The following LILRB1 variants were observed in gnomAD, a reference collection of about 807,000 sequenced individuals.
LILRB1 encodes the protein leukocyte immunoglobulin-like receptor subfamily B member 1.
A neutral mutation model predicts 74.6 loss-of-function variants in LILRB1; 59 were observed. The observed-to-expected ratio is 0.79, with a 90% CI of 0.64 to 0.98. The LOEUF is 0.98. Among genes scored for constraint, LILRB1 ranks in the 50% least tolerant of loss-of-function variants. LILRB1 has a pLI of 0.00. For missense variants in LILRB1, 804 were observed against 822.6 expected, an observed-to-expected ratio of 0.98 and a Z score of 0.28; for synonymous variants, 328 against 333.9, an observed-to-expected ratio of 0.98 and a Z score of 0.19.
intron 1 of LILRB1, among the ~76,000 whole-genome samples, chr19:54,623,188 A>G (rs2063497195): frequency 6.6e-6 from 1 of 152,208 alleles, no homozygotes; most frequent in Non-Finnish European, 1.5e-5. Flanking sequence ...AGAATGAGCT[A>G]GGAAAGAATC....
In LILRB1 at chr19:54,633,927, G is replaced by A. The variant is rs141884972; in HGVS notation, c.1313-44G>A. On this transcript the variant is annotated intron_variant, in intron 8 of 14. Transcript: ENST00000324602. ...GGGGAGGAGCAGCCGGGCTGATGTGGGGAGCAGGGCAGCCCCAGCCCTCAC... is the reference window on the plus strand; with the variant it reads ...GGGGAGGAGCAGCCGGGCTGATGTGAGGAGCAGGGCAGCCCCAGCCCTCAC... The A allele has an allele frequency of 2.2e-3, 3,433 of 1,562,820 alleles. 70 individuals are homozygous for A. The highest frequency in any genetic ancestry group is 0.021 in the East Asian group (909 of 42,784).
chr19:54,618,640 T>G (rs2063376073), intron 1 of LILRB1, among the ~76,000 whole-genome samples: 1 of 152,214 alleles, frequency 6.6e-6, no homozygotes, highest in Non-Finnish European at 1.5e-5. Flanking sequence ...AACAAAATTA[T>G]AAACCCAGCC....
At chr19:54,635,958 G>A (rs747391159) in intron 13 of LILRB1, 1 of 578,002 alleles carries the variant, frequency 1.7e-6, no homozygotes, top group Non-Finnish European at 3.4e-6. Flanking sequence ...CACTGTGGAT[G>A]GGGCTCCCCA....
intron 9 of LILRB1, chr19:54,634,293 A>G (rs1599859467): frequency 1.3e-6 from 2 of 1,538,070 alleles, no homozygotes; most frequent in East Asian, 4.9e-5. Flanking sequence ...CACCTGCAGC[A>G]GAGACGGTGA....
rs558164581 is a variant in LILRB1 at position 54,631,373 on chromosome 19, G to A, written c.70+67G>A. On this transcript the variant is annotated intron_variant, in intron 3 of 14. Transcript: ENST00000324602. ...GGGGACAAGGGGCCACCCCCGTGCCGCTGGGGATGGGGAATAGCAGTTCTG... is the reference window on the plus strand; with the variant it reads ...GGGGACAAGGGGCCACCCCCGTGCCACTGGGGATGGGGAATAGCAGTTCTG... The A allele has an allele frequency of 4.3e-5, 69 of 1,613,292 alleles. 1 individual carries two copies. Among genetic ancestry groups the A allele is most frequent in the Admixed American group, 1.3e-4 (8 of 60,008 alleles).
chr19:54,624,512 T>C (rs2063529982), intron 1 of LILRB1, among the ~76,000 whole-genome samples: 1 of 152,026 alleles, frequency 6.6e-6, no homozygotes, highest in South Asian at 2.1e-4. Context: ...AGCTGCTTCA[T>C]GTAGGTGGGA....
intron 9 of LILRB1, chr19:54,634,301 T>A: frequency 1.3e-6 from 2 of 1,538,492 alleles, no homozygotes; most frequent in Non-Finnish European, 1.8e-6. Flanking sequence ...GCAGAGACGG[T>A]GACCTGGGGC....
chr19:54,622,432 T>C (rs2063479945), intron 1 of LILRB1, among the ~76,000 whole-genome samples: 1 of 152,184 alleles, frequency 6.6e-6, no homozygotes, highest in Admixed American at 6.5e-5. Flanking sequence ...CTCCTCAGTG[T>C]GTGTTTGTGT....
rs1416439692 is a variant in LILRB1 at position 54,633,041 on chromosome 19, C to G, written c.984C>G (p.Leu328=). 5 of 1,614,036 alleles carry G rather than the reference C, an allele frequency of 3.1e-6. No individual in the cohort carries two copies. Among genetic ancestry groups the G allele is most frequent in the East Asian group, 2.2e-5 (1 of 44,900 alleles). Residue 328 remains leucine, a synonymous_variant, in exon 7 of 15, where the codon CTC becomes CTG. Transcript: ENST00000324602. ...GACAGTTCTATGACAGAGTCTCCCTCTCGGTGCAGCCGGGCCCCACGGTGG... is the reference window on the plus strand; with the variant it reads ...GACAGTTCTATGACAGAGTCTCCCTGTCGGTGCAGCCGGGCCCCACGGTGG... The part of the protein sequence containing the change: ...IAGQFYDRVS[L]SVQPGPTVAS...
intron 13 of LILRB1, chr19:54,635,922 C>A (rs1411630259): frequency 3.5e-5 from 21 of 607,876 alleles, no homozygotes; most frequent in Non-Finnish European, 6.6e-5. Context: ...TTCATTCATT[C>A]AACCAGCAAG....
chr19:54,633,548 G>C (rs1344365804), intron 7 of LILRB1, 90 bp from the exon 8 acceptor site: 26 of 1,306,090 alleles, frequency 2.0e-5, no homozygotes, highest in Non-Finnish European at 2.4e-5. Context: ...GGCCTGGGGA[G>C]GCCACAGGTC....
intron 8 of LILRB1, 110 bp from the exon 9 acceptor site, chr19:54,633,861 G>A (rs1451565112): frequency 3.4e-6 from 5 of 1,480,186 alleles, no homozygotes; most frequent in Non-Finnish European, 4.6e-6. Flanking sequence ...CTGGTGAGGG[G>A]TGGGGGGTCA....
In LILRB1 at chr19:54,632,532, C is replaced by G. The variant is rs1467835208; in HGVS notation, c.730C>G (p.Leu244Val). 1.2e-6 allele frequency: 2 copies of G among 1,613,818 alleles called. No individual in the cohort carries two copies. The highest frequency in any genetic ancestry group is 1.7e-6 in the Non-Finnish European group (2 of 1,179,910). The change falls in exon 6 of 15, where the codon CTG becomes GTG. Residue 244 changes from leucine (L) to valine (V), a missense_variant. Transcript: ENST00000324602. ...PIVAPEETLTLQCGSDAGYNR... is the reference protein window; with the variant it reads ...PIVAPEETLTVQCGSDAGYNR... Reference sequence around the variant, plus strand: ...CGTGGCCCCTGAGGAGACCCTGACTCTGCAGTGTGGCTCTGATGCTGGCTA... The same window carrying G: ...CGTGGCCCCTGAGGAGACCCTGACTGTGCAGTGTGGCTCTGATGCTGGCTA...
At chr19:54,624,252 G>T (rs907421342) in intron 1 of LILRB1, among the ~76,000 whole-genome samples, 4 of 152,168 alleles carry the variant, frequency 2.6e-5, no homozygotes, top group Non-Finnish European at 5.9e-5. Flanking sequence ...AGGTCTCTGC[G>T]GGGGGTGAAG....
chr19:54,635,800 C>T (rs751175572), intron 13 of LILRB1, 191 bp downstream of exon 13: 14 of 753,732 alleles, frequency 1.9e-5, no homozygotes, highest in Non-Finnish European at 3.4e-5. Flanking sequence ...GGCCTCCTCC[C>T]GGGTCCCCTT....
In LILRB1 at chr19:54,617,553, C is replaced by CTGTGTGTGTGTG. The variant is rs55635122; in HGVS notation, c.-166+229_-166+240dup. Among the ~76,000 whole-genome samples the CTGTGTGTGTGTG allele has an allele frequency of 3.8e-3, 550 of 143,290 alleles. 3 individuals are homozygous for CTGTGTGTGTGTG. The highest frequency in any genetic ancestry group is 0.011 in the African/African-American group (433 of 38,542). 94.0% of individuals were successfully genotyped at this position (143,290 alleles called of 152,430 possible). On this transcript the variant is annotated intron_variant, in intron 1 of 15. Transcript: ENST00000396331. ...TTTTGAAGTAAAAGCTACAGGATGT[C>CTGTGTGTGTGTG]TGTGTGTGTGTGTGTGTGTGTGTGT...
chr19:54,630,984 C>T (rs1330436736), intron 1 of LILRB1, 42 bp from the exon 2 acceptor site: 1 of 1,614,062 alleles, frequency 6.2e-7, no homozygotes, highest in Admixed American at 1.7e-5. Flanking sequence ...AAGGACCCAG[C>T]CTCCGATTGG....
intron 2 of LILRB1, 57 bp from the exon 3 acceptor site, chr19:54,631,214 G>A: frequency 1.2e-6 from 2 of 1,614,098 alleles, no homozygotes; most frequent in Non-Finnish European, 1.7e-6. Flanking sequence ...ATCCCAGGGA[G>A]GGGAGGACCT....
At position 54,631,297 on chromosome 19, in the gene LILRB1, G is replaced by A. The variant is rs745718480; in HGVS notation, c.61G>A (p.Val21Met). 29 of 1,613,244 alleles carry A rather than the reference G, an allele frequency of 1.8e-5. No individual in the cohort carries two copies. Among genetic ancestry groups the A allele is most frequent in the East Asian group, 8.9e-5 (4 of 44,888 alleles). The change falls in exon 3 of 15, where the codon GTG (valine) becomes ATG (methionine). Residue 21 changes from valine to methionine, a missense_variant. By Grantham distance (21) the Val-to-Met change is conservative. Coordinates refer to ENST00000324602, the MANE Select transcript of LILRB1 (RefSeq NM_001081637.3). Reference sequence around the variant, plus strand: ...GCTGAGTCTGGGCCCCCGGACCCACGTGCAGGCAGGTGAGTCTGTCCCCAG... The same window carrying A: ...GCTGAGTCTGGGCCCCCGGACCCACATGCAGGCAGGTGAGTCTGTCCCCAG... ...LGLSLGPRTH[V>M]QAGHLPKPTL...
Sources: gnomAD v4.1 joint callset for allele counts (sites outside exome capture counted in the v4.1 genomes callset) on GRCh38, gnomAD v4.1.1 for gene constraint, MANE v1.5 for transcripts, NCBI Gene and HGNC (gene_info 2026-07-23, HGNC 2026-07-21) for gene names.